DMD: variants seen among roughly 807,000 people sequenced by gnomAD.
DMD encodes the protein mutant dystrophin.
A neutral mutation model predicts 330.1 loss-of-function variants in DMD; 63 were observed. That is an observed-to-expected ratio of 0.19 (90% CI 0.16 to 0.24). The LOEUF is 0.24. DMD is among the 10% of genes least tolerant of loss of function. The probability of loss-of-function intolerance (pLI) is 1.00; values close to 1 mark genes in which losing one functional copy is unlikely to be tolerated. For synonymous variants in DMD, 1,223 were observed against 959.8 expected, an observed-to-expected ratio of 1.27 and a Z score of -5.07; for missense variants, 3,344 against 2,684.1, an observed-to-expected ratio of 1.25 and a Z score of -5.43.
intron 62 of DMD, among the ~76,000 whole-genome samples, chrX:31,284,860 ACACC>A (rs1269706406): frequency 0.01 from 1,072 of 104,976 alleles, 16 homozygotes; most frequent in African/African-American, 0.036. Context: ...ACACACACAC[ACACC>A]CACACCCACA....
At chrX:32,827,640 T>C (rs368226682) in intron 4 of DMD, among the ~76,000 whole-genome samples, 2 of 101,700 alleles carry the variant, frequency 2.0e-5, no homozygotes, top group East Asian at 6.3e-4. Context: ...TATATCCATG[T>C]GTTCTTGTTA....
chrX:32,381,901 C>T (rs1173149320), intron 33 of DMD, among the ~76,000 whole-genome samples: 1 of 110,738 alleles, frequency 9.0e-6, no homozygotes, highest in Non-Finnish European at 1.9e-5. Context: ...TTAGGCTCTG[C>T]GATACGTAGT....
chrX:32,346,125 A>C (rs1212926452), intron 38 of DMD, 45 bp from the exon 39 acceptor site: 1 of 1,173,316 alleles, frequency 8.5e-7, no homozygotes, highest in African/African-American at 1.8e-5. Context: ...GTTTTTAAAA[A>C]GCTGTACATT....
At chrX:31,620,761 T>C (rs1357702478) in intron 55 of DMD, among the ~76,000 whole-genome samples, 4 of 111,417 alleles carry the variant, frequency 3.6e-5, no homozygotes, top group Non-Finnish European at 5.6e-5. Flanking sequence ...TTTGCCTTTT[T>C]CACAATTAGT....
At chrX:32,460,980 G>A (rs1447250131) in intron 25 of DMD, among the ~76,000 whole-genome samples, 1 of 111,523 alleles carries the variant, frequency 9.0e-6, no homozygotes, top group East Asian at 2.8e-4. Flanking sequence ...TTTAGAAATA[G>A]CTAGAATCTA....
At chrX:32,364,928 G>T (rs1325320240) in intron 35 of DMD, 92 bp downstream of exon 35, 84 of 1,035,233 alleles carry the variant, frequency 8.1e-5, no homozygotes, top group Non-Finnish European at 4.2e-5. Flanking sequence ...GTAGAATTGA[G>T]AAATTTTCAA....
chrX:32,758,811 G>A (rs1358993298), intron 7 of DMD, among the ~76,000 whole-genome samples: 1 of 111,317 alleles, frequency 9.0e-6, no homozygotes, highest in African/African-American at 3.3e-5. Context: ...CACAAATAGG[G>A]GCCATGTGCT....
At chrX:32,396,607 C>A (rs1426781771) in intron 30 of DMD, among the ~76,000 whole-genome samples, 1 of 107,939 alleles carries the variant, frequency 9.3e-6, no homozygotes, top group Non-Finnish European at 2.0e-5. Flanking sequence ...AGATGTTATC[C>A]TTTTGCTTTT....
chrX:33,035,298 A>C (rs1029218167), intron 1 of DMD, among the ~76,000 whole-genome samples: 4 of 111,629 alleles, frequency 3.6e-5, no homozygotes, highest in African/African-American at 1.3e-4. Context: ...AGTAATTGGC[A>C]CTGAAAGAGG....
chrX:32,564,898 C>T (rs2051502867), intron 16 of DMD, among the ~76,000 whole-genome samples: 1 of 111,556 alleles, frequency 9.0e-6, no homozygotes, highest in South Asian at 3.7e-4. Context: ...TATGCCTGTG[C>T]ATTGAGCTAT....
chrX:32,577,859 G>T (rs776813355), intron 13 of DMD, among the ~76,000 whole-genome samples: 1 of 112,607 alleles, frequency 8.9e-6, no homozygotes, highest in East Asian at 2.8e-4. Flanking sequence ...AAGTGAATTA[G>T]AAATTACTTG....
intron 55 of DMD, among the ~76,000 whole-genome samples, chrX:31,586,149 T>C (rs1337643540): frequency 8.9e-6 from 1 of 111,989 alleles, no homozygotes; most frequent in African/African-American, 3.2e-5. Context: ...GTTGGATTTA[T>C]AACCTATAAC....
rs893527637 is a variant in DMD, at chrX:31,882,835, C to G, written c.6913-7462G>C. Reference sequence around the variant, plus strand: ...AAAGGATAAAGGTTGAAAATACATACTCTTGATGAATATGTGGATCAACTA... The same window carrying G: ...AAAGGATAAAGGTTGAAAATACATAGTCTTGATGAATATGTGGATCAACTA... On this transcript the variant is annotated intron_variant, in intron 47 of 78. Coordinates refer to ENST00000357033, the MANE Select transcript of DMD (RefSeq NM_004006.3). Among the ~76,000 whole-genome samples, 5 of 111,886 alleles carry G rather than the reference C, an allele frequency of 4.5e-5. No homozygotes were observed. The East Asian group carries it at 1.4e-3, about 31-fold the overall frequency.
intron 44 of DMD, among the ~76,000 whole-genome samples, chrX:32,185,138 T>G (rs1170577544): frequency 9.0e-6 from 1 of 111,237 alleles, no homozygotes; most frequent in Non-Finnish European, 1.9e-5. Context: ...CTGGGGGCAA[T>G]AGCCTTATTG....
In DMD at chrX:32,557,560, A is replaced by T. The variant is rs545089776; in HGVS notation, c.1992+8142T>A. The stretch of plus-strand genomic sequence containing the variant: ...GAGTGATCAATAAGTTTTAATGGGC[A>T]TGGAGGAATTGCACTTCTGCAGTTT... On this transcript the variant is annotated intron_variant, in intron 16 of 78. Coordinates refer to ENST00000357033, the MANE Select transcript of DMD (RefSeq NM_004006.3). 5.4e-5 allele frequency among the ~76,000 whole-genome samples: 6 copies of T among 111,753 alleles called. No individual in the cohort carries two copies. In the South Asian group the frequency reaches 2.2e-3, roughly 41 times the overall value.
intron 47 of DMD, among the ~76,000 whole-genome samples, chrX:31,898,023 C>T (rs2094369329): frequency 9.0e-6 from 1 of 110,676 alleles, no homozygotes; most frequent in Non-Finnish European, 1.9e-5. Flanking sequence ...AATGGTAATG[C>T]CTCAAGAGAA....
At chrX:33,005,274 A>AC (rs1491277555) in intron 2 of DMD, among the ~76,000 whole-genome samples, 25 of 81,905 alleles carry the variant, frequency 3.1e-4, no homozygotes, top group Non-Finnish European at 5.6e-4. Context: ...ACACACACAC[A>AC]AACACACACA....
At chrX:32,535,469 G>C (rs2047864208) in intron 17 of DMD, among the ~76,000 whole-genome samples, 1 of 111,680 alleles carries the variant, frequency 9.0e-6, no homozygotes, top group Non-Finnish European at 1.9e-5. Flanking sequence ...CTCTGCTGTG[G>C]CTTCTGTTTT....
rs182464825 is a variant in DMD, at chrX:32,014,633, T to C, written c.6439-46119A>G. ...CTTCTACCTCCCAGAGCTGATGTGA[T>C]TATTAAAAGCCAGTTAGAATCTTCA... On this transcript the variant is annotated intron_variant, in intron 44 of 78. Coordinates refer to ENST00000357033, the MANE Select transcript of DMD (RefSeq NM_004006.3). 2.0e-3 allele frequency among the ~76,000 whole-genome samples: 222 copies of C among 111,868 alleles called. 1 individual carries two copies. The highest frequency in any genetic ancestry group is 3.3e-3 in the Non-Finnish European group (176 of 53,146).
Sources: allele counts gnomAD v4.1 joint callset (sites outside exome capture counted in the v4.1 genomes callset), GRCh38; gene constraint gnomAD v4.1.1; transcripts MANE v1.5; gene names NCBI Gene and HGNC (gene_info 2026-07-23, HGNC 2026-07-21).